The following LIMS4 variants were observed in gnomAD, a reference collection of about 807,000 sequenced individuals.
LIMS4 encodes the protein LIM zinc finger domain containing 4, also known as LIM and senescent cell antigen-like-containing domain protein 4.
chr2:110,424,743 C>T, the LIMS4 span, among the ~76,000 whole-genome samples: 1 of 144,234 alleles, frequency 6.9e-6, no homozygotes, highest in East Asian at 2.0e-4. Flanking sequence ...TCCCTGAGTG[C>T]AGTGGGGACT....
downstream of LIMS4, among the ~76,000 whole-genome samples, chr2:110,443,064 CTTTTTT>C (rs1397613608): frequency 3.6e-5 from 4 of 110,424 alleles, no homozygotes; most frequent in Admixed American, 9.5e-5. Context: ...TTTTCTTTTT[CTTTTTT>C]TTTTTTAGAA....
chr2:110,371,730 CTGAG>C, the LIMS4 span, among the ~76,000 whole-genome samples: 1 of 143,514 alleles, frequency 7.0e-6, no homozygotes, highest in African/African-American at 2.9e-5. Flanking sequence ...CTACACATTC[CTGAG>C]TGAGTCAGTT....
chr2:110,397,339 T>C, the LIMS4 span: 1 of 146,020 alleles, frequency 6.8e-6, no homozygotes, highest in African/African-American at 2.6e-5. Flanking sequence ...GATAATAGAA[T>C]TGGGTAAATA....
chr2:110,390,095 C>T, the LIMS4 span, among the ~76,000 whole-genome samples: 3 of 130,234 alleles, frequency 2.3e-5, no homozygotes, highest in Admixed American at 7.6e-5. Flanking sequence ...AGGTGCTTGG[C>T]GTGGGTCACC....
At chr2:110,424,921 G>GT in the LIMS4 span, among the ~76,000 whole-genome samples, 2 of 143,718 alleles carry the variant, frequency 1.4e-5, 1 homozygote, top group Non-Finnish European at 3.0e-5. Context: ...CACTCTGATA[G>GT]GACAGAAACG....
chr2:110,424,876 A>G, the LIMS4 span, among the ~76,000 whole-genome samples: 1 of 142,834 alleles, frequency 7.0e-6, no homozygotes, highest in Non-Finnish European at 1.5e-5. Flanking sequence ...CGGTATTCTA[A>G]AAGTAGCCAA....
the LIMS4 span, among the ~76,000 whole-genome samples, chr2:110,366,167 C>A: frequency 6.7e-6 from 1 of 150,096 alleles, no homozygotes; most frequent in Admixed American, 6.6e-5. Flanking sequence ...AATTGAGGAC[C>A]AGAGACTCCT....
At chr2:110,424,822 T>C in the LIMS4 span, among the ~76,000 whole-genome samples, 1 of 142,664 alleles carries the variant, frequency 7.0e-6, no homozygotes, top group Non-Finnish European at 1.5e-5. Context: ...TACAAGAAAA[T>C]TGTAAAACGC....
the LIMS4 span, among the ~76,000 whole-genome samples, chr2:110,381,883 A>G: frequency 3.1e-4 from 12 of 38,454 alleles, no homozygotes; most frequent in Non-Finnish European, 4.9e-4. Context: ...CCTGGCCAAC[A>G]TGGTGAAACC....
the LIMS4 span, among the ~76,000 whole-genome samples, chr2:110,368,291 A>C: frequency 6.6e-6 from 1 of 151,824 alleles, no homozygotes; most frequent in Non-Finnish European, 1.5e-5. Context: ...TATTTAATAT[A>C]GAAATTTACA....
the LIMS4 span, among the ~76,000 whole-genome samples, chr2:110,392,101 G>A: frequency 6.6e-6 from 1 of 152,200 alleles, no homozygotes; most frequent in East Asian, 1.9e-4. Flanking sequence ...TGTTTCATCT[G>A]TGCATTCTAT....
the LIMS4 span, among the ~76,000 whole-genome samples, chr2:110,411,588 A>C: frequency 1.5e-5 from 2 of 136,396 alleles, no homozygotes; most frequent in Non-Finnish European, 3.0e-5. Flanking sequence ...CACGGATTTG[A>C]GATGCATCCT....
chr2:110,442,907 T>A (rs1346242207), downstream of LIMS4, among the ~76,000 whole-genome samples: 1 of 152,248 alleles, frequency 6.6e-6, no homozygotes, highest in African/African-American at 2.4e-5. Context: ...CCACGTTGGT[T>A]AGGCTGGTCT....
chr2:110,360,653 C>T, the LIMS4 span: 6 of 1,520,180 alleles, frequency 3.9e-6, no homozygotes, highest in East Asian at 1.4e-4. Flanking sequence ...AAGGCCATAC[C>T]ATGTGTCTGC....
At chr2:110,379,218 G>C in the LIMS4 span, among the ~76,000 whole-genome samples, 1 of 151,882 alleles carries the variant, frequency 6.6e-6, no homozygotes, top group East Asian at 1.9e-4. Context: ...TTGCTTGCTT[G>C]CTTGCTTGCT....
the LIMS4 span, among the ~76,000 whole-genome samples, chr2:110,382,044 C>A: frequency 2.2e-5 from 1 of 46,254 alleles, no homozygotes; most frequent in Non-Finnish European, 3.5e-5. Flanking sequence ...TCCAGCCTGG[C>A]AACAGAGTAA....
rs1396002466 is a variant in LIMS4 at position 110,447,410 on chromosome 2, C to T, written c.974-250G>A. On this transcript the variant is annotated intron_variant, in intron 8 of 9. Coordinates refer to ENST00000632897, the MANE Select transcript of LIMS4 (RefSeq NM_001371340.3). ...TCAAGTGATCCTCCCACCTCAGCCT[C>T]CTGAGTAGCTGGGACTACAGTGCAT... is the stretch of plus-strand genomic sequence containing the variant. 6.3e-3 allele frequency among the ~76,000 whole-genome samples: 130 copies of T among 20,616 alleles called. 33 individuals are homozygous for T. Among genetic ancestry groups the T allele is most frequent in the Admixed American group, 0.015 (15 of 984 alleles). The allele number at this position is 20,616 out of a possible 152,430, so 13.5% of individuals were successfully genotyped here.
chr2:110,361,578 G>A, the LIMS4 span: 1 of 583,326 alleles, frequency 1.7e-6, no homozygotes. Flanking sequence ...AATGCTCAAA[G>A]GCAAGTTTAC....
the LIMS4 span, among the ~76,000 whole-genome samples, chr2:110,372,671 G>A: frequency 6.7e-6 from 1 of 148,960 alleles, no homozygotes; most frequent in East Asian, 1.9e-4. Flanking sequence ...ACACCTGGCT[G>A]ATTTTTGTAT....
Sources: gnomAD v4.1 joint callset for allele counts (sites outside exome capture counted in the v4.1 genomes callset) on GRCh38, gnomAD v4.1.1 for gene constraint, MANE v1.5 for transcripts, NCBI Gene and HGNC (gene_info 2026-07-23, HGNC 2026-07-21) for gene names.